The following NRG2 variants were observed in gnomAD, a reference collection of about 807,000 sequenced individuals.
NRG2 encodes the protein pro-neuregulin-2, membrane-bound isoform.
Under a neutral mutation model 73.9 loss-of-function variants are expected in NRG2, and 27 were observed. The ratio of observed to expected loss-of-function variants is 0.37; its 90% CI spans 0.27 to 0.50. The LOEUF is 0.50. NRG2 is among the 20% of genes least tolerant of loss of function. NRG2 has a pLI of 0.96. For missense variants in NRG2, 1,126 were observed against 1,210.1 expected, an observed-to-expected ratio of 0.93 and a Z score of 1.03; for synonymous variants, 532 against 541.0, an observed-to-expected ratio of 0.98 and a Z score of 0.23.
At chr5:139,861,997 C>A (rs1762176893) in intron 5 of NRG2, among the ~76,000 whole-genome samples, 1 of 152,196 alleles carries the variant, frequency 6.6e-6, no homozygotes, top group South Asian at 2.1e-4. Context: ...GATGCTAGGA[C>A]ACTTTCCCAA....
At chr5:139,884,154 A>T (rs753576684) in intron 2 of NRG2, among the ~76,000 whole-genome samples, 4 of 152,102 alleles carry the variant, frequency 2.6e-5, no homozygotes, top group Non-Finnish European at 5.9e-5. Context: ...GGGTACAGGG[A>T]TCCAGGCTTT....
chr5:139,848,110 G>T lies in NRG2; in HGVS notation c.2360C>A (p.Ala787Glu). 1 of 1,476,182 alleles carries T rather than the reference G, an allele frequency of 6.8e-7. No homozygotes were observed. 91.4% of individuals were successfully genotyped at this position (1,476,182 alleles called of 1,614,324 possible). A position where few individuals can be genotyped will look rare whatever the true frequency, so the allele number is the denominator to read the frequency against. Residue 787 changes from alanine (A) to glutamate (E), a missense_variant, in exon 10 of 10, where the codon GCG (alanine) becomes GAG (glutamate). Physicochemically the swap from Ala to Glu is moderately radical, Grantham distance 107. Coordinates refer to ENST00000361474, the MANE Select transcript of NRG2 (RefSeq NM_004883.3). ...SDDDADDADG[A>E]LAAESTPFLG... ...GAAAGGTGTGCTCTCGGCCGCCAGC[G>T]CCCCGTCCGCGTCGTCCGCGTCGTC...
chr5:140,000,863 G>A (rs1292975475), intron 1 of NRG2, among the ~76,000 whole-genome samples: 1 of 152,200 alleles, frequency 6.6e-6, no homozygotes, highest in Non-Finnish European at 1.5e-5. Flanking sequence ...AACGTCAGAT[G>A]TGATGGTTTC....
chr5:139,874,335 C>G (rs1763044487), intron 3 of NRG2, among the ~76,000 whole-genome samples: 1 of 152,220 alleles, frequency 6.6e-6, no homozygotes, highest in African/African-American at 2.4e-5. Context: ...CCAAACTCAA[C>G]AAGTCCAAAA....
At chr5:139,919,069 G>A (rs993699288) in intron 1 of NRG2, among the ~76,000 whole-genome samples, 1 of 152,202 alleles carries the variant, frequency 6.6e-6, no homozygotes, top group African/African-American at 2.4e-5. Context: ...AGCACAATAT[G>A]CTTCTGAAAT....
At chr5:140,042,333 T>TC (rs768913071) in intron 1 of NRG2, 37 bp downstream of exon 1, 1 of 871,154 alleles carries the variant, frequency 1.1e-6, no homozygotes. Context: ...ACCTCGCCCC[T>TC]CCCCCCTTTC....
At chr5:139,944,881 A>C (rs1753691528) in intron 1 of NRG2, among the ~76,000 whole-genome samples, 1 of 152,322 alleles carries the variant, frequency 6.6e-6, no homozygotes, top group South Asian at 2.1e-4. Context: ...AACAGCATAT[A>C]AGAGTTCCCT....
At chr5:139,907,857 G>C (rs1765335838) in intron 1 of NRG2, among the ~76,000 whole-genome samples, 1 of 152,200 alleles carries the variant, frequency 6.6e-6, no homozygotes, top group Non-Finnish European at 1.5e-5. Flanking sequence ...ACAATGAGCA[G>C]ACCAGGTTTA....
chr5:139,962,519 G>A (rs1004214882), intron 1 of NRG2, among the ~76,000 whole-genome samples: 3 of 152,154 alleles, frequency 2.0e-5, no homozygotes, highest in Non-Finnish European at 2.9e-5. Context: ...TTACAAGGCT[G>A]GGGTAAATGA....
Position 139,887,661 on chromosome 5 carries a change from G to C in NRG2, c.701-150C>G, listed in dbSNP as rs941743934. 2 of 645,142 alleles carry C rather than the reference G, an allele frequency of 3.1e-6. No individual in the cohort carries two copies. The highest frequency in any genetic ancestry group is 5.4e-6 in the Non-Finnish European group (2 of 369,158). The allele number at this position is 645,142 out of a possible 1,614,324, so 40.0% of individuals were successfully genotyped here. The stretch of plus-strand genomic sequence containing the variant: ...CCACCCCTCCTAGTGTCATTTCCTA[G>C]TTCAATTCAATAAGCATTTATAATG... On this transcript the variant is annotated intron_variant, in intron 1 of 9. Transcript: ENST00000361474. The surrounding 1 kb of genome is among the most constrained non-coding windows in gnomAD (Gnocchi z 4.5).
At chr5:139,923,573 C>T (rs1374018133) in intron 1 of NRG2, among the ~76,000 whole-genome samples, 2 of 152,188 alleles carry the variant, frequency 1.3e-5, no homozygotes, top group African/African-American at 2.4e-5. Context: ...CAAAAGGTTT[C>T]GATGGACTAT....
intron 3 of NRG2, among the ~76,000 whole-genome samples, chr5:139,878,366 T>C (rs560265051): frequency 1.1e-4 from 17 of 152,334 alleles, no homozygotes; most frequent in African/African-American, 3.6e-4. Flanking sequence ...ACTGTACTTA[T>C]GGACACAGAG....
intron 1 of NRG2, among the ~76,000 whole-genome samples, chr5:139,973,358 C>T (rs566918804): frequency 3.9e-5 from 6 of 151,972 alleles, no homozygotes; most frequent in Non-Finnish European, 8.8e-5. Context: ...TCCTTATATC[C>T]TCATATACTT....
intron 1 of NRG2, among the ~76,000 whole-genome samples, chr5:140,015,097 C>T (rs1759664858): frequency 6.6e-6 from 1 of 152,184 alleles, no homozygotes; most frequent in African/African-American, 2.4e-5. Flanking sequence ...TTAGGTCTAC[C>T]ATAACCACTC....
intron 1 of NRG2, among the ~76,000 whole-genome samples, chr5:139,965,244 G>T (rs1459658612): frequency 6.6e-6 from 1 of 152,224 alleles, no homozygotes; most frequent in Non-Finnish European, 1.5e-5. Flanking sequence ...GGGGGAGATG[G>T]GTGGAGCCAG....
At position 139,887,216 on chromosome 5, in the gene NRG2, G is replaced by C. The variant is rs1317866090; in HGVS notation, c.872+124C>G. The C allele has an allele frequency of 8.9e-7, 1 of 1,129,070 alleles. No individual in the cohort carries two copies. The highest frequency in any genetic ancestry group is 1.4e-5 in the South Asian group (1 of 71,402). 69.9% of individuals were successfully genotyped at this position (1,129,070 alleles called of 1,614,324 possible). ...GCAAGGAAGGGGAGTATGGAGAGGGGCTGGGACTGGTTCCATGGGTGAGTC... is the reference window on the plus strand; with the variant it reads ...GCAAGGAAGGGGAGTATGGAGAGGGCCTGGGACTGGTTCCATGGGTGAGTC... On this transcript the variant is annotated intron_variant, in intron 2 of 9. Transcript: ENST00000361474. This position sits in a 1 kb window ranked among gnomAD's most constrained non-coding sequence, Gnocchi z 4.5.
At chr5:139,962,544 C>A (rs1299603455) in intron 1 of NRG2, among the ~76,000 whole-genome samples, 2 of 152,172 alleles carry the variant, frequency 1.3e-5, no homozygotes, top group African/African-American at 4.8e-5. Flanking sequence ...TGGCCCCAGA[C>A]TGCACTTTGG....
chr5:139,924,176 GC>G (rs1751879004), intron 1 of NRG2, among the ~76,000 whole-genome samples: 1 of 152,186 alleles, frequency 6.6e-6, no homozygotes, highest in African/African-American at 2.4e-5. Context: ...TCTTTGAGGG[GC>G]CCATGATCCT....
At chr5:140,010,744 T>A (rs1759300620) in intron 1 of NRG2, among the ~76,000 whole-genome samples, 1 of 152,148 alleles carries the variant, frequency 6.6e-6, no homozygotes, top group Non-Finnish European at 1.5e-5. Flanking sequence ...CCCCCTCCCA[T>A]CCACAAGGGA....
Sources: gnomAD v4.1 joint callset for allele counts (sites outside exome capture counted in the v4.1 genomes callset) on GRCh38, gnomAD v4.1.1 for gene constraint, Gnocchi (gnomAD v3.1) non-coding constraint, MANE v1.5 for transcripts, NCBI Gene and HGNC (gene_info 2026-07-23, HGNC 2026-07-21) for gene names.